Variants in CSGALNACT1 observed in about 807,000 individuals in gnomAD.
CSGALNACT1 encodes beta4GalNAcT-1.
Under a neutral mutation model 51.0 loss-of-function variants are expected in CSGALNACT1, and 52 were observed. The observed-to-expected ratio is 1.02, with a 90% confidence interval of 0.82 to 1.29. The LOEUF is 1.29. Ranked by LOEUF, CSGALNACT1 falls within the 50% of genes most tolerant of loss-of-function variation. The pLI is 0.00. For synonymous variants in CSGALNACT1, 341 were observed against 254.4 expected, an observed-to-expected ratio of 1.34 and a Z score of -3.24; for missense variants, 935 against 679.2, an observed-to-expected ratio of 1.38 and a Z score of -4.19.
intron 4 of CSGALNACT1, among the ~76,000 whole-genome samples, chr8:19,503,350 G>A (rs2076741011): frequency 1.3e-5 from 2 of 152,262 alleles, no homozygotes; most frequent in African/African-American, 4.8e-5. Flanking sequence ...TATACTGAGG[G>A]GCAAGAGGCT....
intron 8 of CSGALNACT1, among the ~76,000 whole-genome samples, chr8:19,409,947 T>G (rs1226362044): frequency 6.6e-6 from 1 of 152,200 alleles, no homozygotes; most frequent in Non-Finnish European, 1.5e-5. Flanking sequence ...CAAGTGTTTA[T>G]CACATCTTCC....
At chr8:19,480,041 T>G (rs184822299) in intron 4 of CSGALNACT1, among the ~76,000 whole-genome samples, 34 of 152,334 alleles carry the variant, frequency 2.2e-4, no homozygotes, top group African/African-American at 7.7e-4. Context: ...TACAAATAAC[T>G]ACAACAATGC....
chr8:19,505,503 C>G (rs1013845199), exon 4 of CSGALNACT1: 1 of 1,614,086 alleles, frequency 6.2e-7, no homozygotes. Context: ...CTCTGGGGGG[C>G]TCCTGTCCAG....
intron 1 of CSGALNACT1, among the ~76,000 whole-genome samples, chr8:19,713,681 C>T (rs542392944): frequency 7.2e-5 from 11 of 152,178 alleles, no homozygotes; most frequent in African/African-American, 1.2e-4. Context: ...TGCTGGCAAG[C>T]GACAAGAAGC....
At chr8:19,465,810 C>T (rs1031158260) in intron 4 of CSGALNACT1, among the ~76,000 whole-genome samples, 14 of 152,016 alleles carry the variant, frequency 9.2e-5, no homozygotes, top group South Asian at 2.1e-4. Context: ...AGATGTGATA[C>T]GCTTGTGTTA....
At chr8:19,424,411 C>G (rs1282143437) in intron 6 of CSGALNACT1, among the ~76,000 whole-genome samples, 1 of 152,102 alleles carries the variant, frequency 6.6e-6, no homozygotes, top group Admixed American at 6.5e-5. Context: ...CTGAAAGAAC[C>G]CCTCCAACTC....
At chr8:19,446,575 G>A (rs2062156814) in intron 5 of CSGALNACT1, among the ~76,000 whole-genome samples, 3 of 152,154 alleles carry the variant, frequency 2.0e-5, no homozygotes, top group South Asian at 2.1e-4. Context: ...AGGCAACGGT[G>A]CCATCTTGGC....
At chr8:19,447,783 C>T (rs1391669438) in intron 5 of CSGALNACT1, among the ~76,000 whole-genome samples, 1 of 152,192 alleles carries the variant, frequency 6.6e-6, no homozygotes, top group Non-Finnish European at 1.5e-5. Flanking sequence ...GTGATGCACA[C>T]CCCTAGGGTG....
chr8:19,534,009 C>T (rs1410880228), intron 3 of CSGALNACT1, among the ~76,000 whole-genome samples: 1 of 152,016 alleles, frequency 6.6e-6, no homozygotes, highest in African/African-American at 2.4e-5. Context: ...TTCTGAGGTA[C>T]TCAGATGCAG....
At chr8:19,493,850 A>G (rs1232458184) in intron 4 of CSGALNACT1, among the ~76,000 whole-genome samples, 2 of 146,946 alleles carry the variant, frequency 1.4e-5, no homozygotes, top group Non-Finnish European at 3.0e-5. Context: ...TCTCATCAGT[A>G]TATATACGTA....
At chr8:19,633,343 C>G (rs1281478132) in intron 1 of CSGALNACT1, among the ~76,000 whole-genome samples, 1 of 152,076 alleles carries the variant, frequency 6.6e-6, no homozygotes, top group African/African-American at 2.4e-5. Flanking sequence ...TACTCTCACC[C>G]ACACTACAGA....
chr8:19,577,086 GT>G (rs1359177919), intron 3 of CSGALNACT1, among the ~76,000 whole-genome samples: 5 of 152,052 alleles, frequency 3.3e-5, no homozygotes, highest in Non-Finnish European at 5.9e-5. Flanking sequence ...AGGGTAACAT[GT>G]ATTTATTCAC....
At chr8:19,680,335 C>G (rs1347534560) in intron 1 of CSGALNACT1, among the ~76,000 whole-genome samples, 1 of 152,188 alleles carries the variant, frequency 6.6e-6, no homozygotes, top group African/African-American at 2.4e-5. Flanking sequence ...GCAGGTGGAT[C>G]ACCTGAGGTC....
intron 6 of CSGALNACT1, among the ~76,000 whole-genome samples, chr8:19,439,348 C>G (rs142910462): frequency 2.4e-4 from 36 of 152,286 alleles, no homozygotes; most frequent in African/African-American, 8.4e-4. Flanking sequence ...CCCTGAATGT[C>G]TTAAAATACT....
chr8:19,461,871 G>A (rs78359286), intron 4 of CSGALNACT1, among the ~76,000 whole-genome samples: 307 of 131,250 alleles, frequency 2.3e-3, no homozygotes, highest in East Asian at 5.2e-3. Context: ...CATGGAGGGC[G>A]TATCCACACA....
In CSGALNACT1 at chr8:19,408,595, G is replaced by C; in HGVS notation, c.1309+18C>G. The C allele has an allele frequency of 1.9e-6, 3 of 1,601,234 alleles. No homozygotes were observed. Among genetic ancestry groups the C allele is most frequent in the South Asian group, 2.2e-5 (2 of 90,838 alleles). On this transcript the variant is annotated intron_variant, in intron 9 of 9. Coordinates refer to ENST00000454498, the Ensembl canonical transcript of CSGALNACT1. Reference sequence around the variant, plus strand: ...CCCGTGGCCTCTGGGTGGCAGTAGAGATGCAGATTTGTCCTACCTATATTG... The same window carrying C: ...CCCGTGGCCTCTGGGTGGCAGTAGACATGCAGATTTGTCCTACCTATATTG...
intron 3 of CSGALNACT1, among the ~76,000 whole-genome samples, chr8:19,535,118 C>CT (rs760913341): frequency 5.9e-5 from 9 of 152,138 alleles, no homozygotes; most frequent in Non-Finnish European, 1.0e-4. Context: ...AAATAGGTTC[C>CT]TAACACATTT....
chr8:19,487,490 C>A (rs1475849245), intron 4 of CSGALNACT1, among the ~76,000 whole-genome samples: 2 of 152,178 alleles, frequency 1.3e-5, no homozygotes, highest in African/African-American at 4.8e-5. Context: ...CACATGAGCT[C>A]TGAGCCTGAC....
intron 4 of CSGALNACT1, among the ~76,000 whole-genome samples, chr8:19,478,034 G>A (rs186861555): frequency 7.5e-4 from 114 of 152,268 alleles, no homozygotes; most frequent in Admixed American, 2.0e-3. Flanking sequence ...GATGTCAGGT[G>A]ATTCTAGCTC....
Sources: allele counts gnomAD v4.1 joint callset (sites outside exome capture counted in the v4.1 genomes callset), GRCh38; gene constraint gnomAD v4.1.1; transcripts MANE v1.5; gene names NCBI Gene and HGNC (gene_info 2026-07-23, HGNC 2026-07-21).